The following SORBS2 variants were observed in gnomAD, a reference collection of about 807,000 sequenced individuals.
SORBS2 encodes the protein sorbin and SH3 domain-containing protein 2.
A neutral mutation model predicts 97.7 loss-of-function variants in SORBS2; 46 were observed. The observed-to-expected ratio is 0.47, with a 90% CI of 0.37 to 0.60. The LOEUF is 0.60. SORBS2 is among the 20% of genes least tolerant of loss of function. The pLI is 0.00. For synonymous variants in SORBS2, 476 were observed against 473.4 expected (o/e 1.01, Z -0.07); for missense variants, 1,316 against 1,282.3 (o/e 1.03, Z -0.40).
intron 2 of SORBS2, among the ~76,000 whole-genome samples, chr4:185,698,252 G>A (rs929155278): frequency 8.5e-5 from 13 of 152,100 alleles, no homozygotes; most frequent in Admixed American, 2.6e-4. Flanking sequence ...GAGGCAGGAG[G>A]GTCACTTGAG....
At chr4:185,823,743 A>T (rs2099198169) in intron 1 of SORBS2, among the ~76,000 whole-genome samples, 1 of 152,186 alleles carries the variant, frequency 6.6e-6, no homozygotes, top group Non-Finnish European at 1.5e-5. Flanking sequence ...TCACAGTCAG[A>T]GGAAAGAAGA....
At chr4:185,872,602 A>G (rs960989805) in intron 1 of SORBS2, among the ~76,000 whole-genome samples, 13 of 152,232 alleles carry the variant, frequency 8.5e-5, no homozygotes, top group Non-Finnish European at 1.5e-4. Flanking sequence ...TCCATACCAA[A>G]AAAGGCCACA....
intron 12 of SORBS2, among the ~76,000 whole-genome samples, chr4:185,599,988 A>T (rs1361184292): frequency 7.2e-5 from 11 of 152,228 alleles, no homozygotes. Context: ...TGAGCCGCAG[A>T]ATCTCCTAGA....
chr4:185,827,048 CCATCACCATCATCAT>C (rs1478016468), intron 1 of SORBS2, among the ~76,000 whole-genome samples: 4 of 71,852 alleles, frequency 5.6e-5, no homozygotes, highest in Non-Finnish European at 8.7e-5. Context: ...ATCATCACCA[CCATCACCATCATCAT>C]CATCACCATC....
chr4:185,735,559 C>T (rs770562221), intron 2 of SORBS2, among the ~76,000 whole-genome samples: 10 of 151,906 alleles, frequency 6.6e-5, no homozygotes, highest in Non-Finnish European at 1.0e-4. Context: ...CAAATCCTTC[C>T]AAGTCTTCAT....
intron 2 of SORBS2, among the ~76,000 whole-genome samples, chr4:185,731,264 G>A (rs181799177): frequency 6.6e-6 from 1 of 152,150 alleles, no homozygotes; most frequent in Non-Finnish European, 1.5e-5. Context: ...TCATGCAAAT[G>A]AGGAAGCTCA....
At chr4:185,646,913 A>C in intron 3 of SORBS2, 131 bp from the exon 13 acceptor site, 1 of 615,708 alleles carries the variant, frequency 1.6e-6, no homozygotes, top group Non-Finnish European at 2.8e-6. Context: ...TAAAAAGTTA[A>C]CCTGTGAAAA....
chr4:185,817,220 A>G, intron 1 of SORBS2, among the ~76,000 whole-genome samples: 1 of 139,332 alleles, frequency 7.2e-6, no homozygotes, highest in Admixed American at 6.9e-5. Context: ...TAACAAAAGA[A>G]AAAAAAAACC....
rs576625315 is a variant in SORBS2, at chr4:185,731,651, T to TCTCC, written c.-198+43572_-198+43575dup. Reference sequence around the variant, plus strand: ...ATCTCTCTCCCTCCCTGCCTATCTCTCTCCCTCCCTATCTCTCTCCCTCCC... The same window carrying TCTCC: ...ATCTCTCTCCCTCCCTGCCTATCTCTCTCCCTCCCTCCCTATCTCTCTCCCTCCC... On this transcript the variant is annotated intron_variant, in intron 2 of 20. Coordinates refer to the SORBS2 transcript ENST00000284776. Among the ~76,000 whole-genome samples, 122 of 87,722 alleles carry TCTCC rather than the reference T, an allele frequency of 1.4e-3. 12 individuals carry two copies. Among genetic ancestry groups the TCTCC allele is most frequent in the African/African-American group, 7.4e-3 (116 of 15,728 alleles). 57.5% of individuals were successfully genotyped at this position (87,722 alleles called of 152,430 possible).
At chr4:185,911,098 T>C (rs1445935150) in intron 1 of SORBS2, among the ~76,000 whole-genome samples, 1 of 152,238 alleles carries the variant, frequency 6.6e-6, no homozygotes, top group African/African-American at 2.4e-5. Flanking sequence ...AGAGATTAGA[T>C]AAGTAGCTTG....
intron 1 of SORBS2, among the ~76,000 whole-genome samples, chr4:185,938,874 TA>T (rs1432422074): frequency 1.3e-5 from 2 of 152,158 alleles, no homozygotes; most frequent in Non-Finnish European, 2.9e-5. Context: ...TTCAACCCTC[TA>T]ACTACATTAT....
At chr4:185,709,302 A>ATTTTTTTTTTTTTTTTTTT (rs1562045505) in intron 2 of SORBS2, among the ~76,000 whole-genome samples, 25 of 42,162 alleles carry the variant, frequency 5.9e-4, no homozygotes, top group Non-Finnish European at 1.1e-3. Context: ...TGCTGGCCAA[A>ATTTTTTTTTTTTTTTTTTT]TCTTTTTTTT....
intron 2 of SORBS2, among the ~76,000 whole-genome samples, chr4:185,744,618 A>G (rs2098749047): frequency 6.6e-6 from 1 of 152,254 alleles, no homozygotes; most frequent in Non-Finnish European, 1.5e-5. Context: ...TGAGCCTGCC[A>G]CATCGGATTA....
chr4:185,781,492 A>C (rs907188257), intron 1 of SORBS2, among the ~76,000 whole-genome samples: 1 of 151,660 alleles, frequency 6.6e-6, no homozygotes, highest in Non-Finnish European at 1.5e-5. Context: ...CATTGCCTCC[A>C]GCCTCTCTAG....
intron 1 of SORBS2, among the ~76,000 whole-genome samples, chr4:185,778,349 T>G (rs892486695): frequency 1.3e-5 from 2 of 152,164 alleles, no homozygotes; most frequent in African/African-American, 4.8e-5. Context: ...CCCGGGTGAT[T>G]CTTGACCTCA....
At chr4:185,733,476 C>T (rs2098659461) in intron 2 of SORBS2, among the ~76,000 whole-genome samples, 1 of 152,204 alleles carries the variant, frequency 6.6e-6, no homozygotes, top group African/African-American at 2.4e-5. Flanking sequence ...TGGAGCCCCA[C>T]TGGGCAGAGC....
chr4:185,829,829 T>A (rs1041092766), intron 1 of SORBS2, among the ~76,000 whole-genome samples: 1 of 152,202 alleles, frequency 6.6e-6, no homozygotes, highest in African/African-American at 2.4e-5. Flanking sequence ...ATACAACCCA[T>A]GGTTGCTAAT....
chr4:185,638,777 C>A (rs2097073108), intron 4 of SORBS2, 100 bp downstream of exon 14: 4 of 1,169,176 alleles, frequency 3.4e-6, no homozygotes, highest in Non-Finnish European at 4.6e-6. Flanking sequence ...TGGGTGCGAG[C>A]GGGACCCGGG....
intron 2 of SORBS2, among the ~76,000 whole-genome samples, chr4:185,718,220 C>A (rs2098482231): frequency 6.6e-6 from 1 of 151,130 alleles, no homozygotes. Flanking sequence ...GTCAGAGTGT[C>A]TGTCTCAAAG....
Sources: gnomAD v4.1 joint callset for allele counts (sites outside exome capture counted in the v4.1 genomes callset) on GRCh38, gnomAD v4.1.1 for gene constraint, MANE v1.5 for transcripts, NCBI Gene and HGNC (gene_info 2026-07-23, HGNC 2026-07-21) for gene names.